Variants in DMD observed in about 807,000 individuals in gnomAD.
DMD encodes mutant dystrophin.
A neutral mutation model predicts 330.1 loss-of-function variants in DMD; 63 were observed. The observed-to-expected ratio is 0.19, with a 90% CI of 0.16 to 0.24. The LOEUF (loss-of-function observed/expected upper bound fraction) is 0.24, where lower values mean the gene tolerates loss of function less well. Ranked by LOEUF, DMD falls within the 10% of genes least tolerant of loss-of-function variation. The pLI, the probability that DMD is intolerant of heterozygous loss-of-function variation, is 1.00. For synonymous variants in DMD, 1,223 were observed against 959.8 expected (o/e 1.27, Z -5.07); for missense variants, 3,344 against 2,684.1 (o/e 1.25, Z -5.43).
In DMD at chrX:33,248,342, C is replaced by T. The variant is rs73623932; in HGVS notation, c.7+90917G>A. On this transcript the variant is annotated intron_variant, in intron 1 of 17. Coordinates refer to the DMD transcript ENST00000288447. Reference sequence around the variant, plus strand: ...AGGCGTGAGCCACTGCGCCTGGCCGCGAGAATAAATAATATTTTCTAAGAA... The same window carrying T: ...AGGCGTGAGCCACTGCGCCTGGCCGTGAGAATAAATAATATTTTCTAAGAA... 4.4e-3 allele frequency among the ~76,000 whole-genome samples: 491 copies of T among 111,784 alleles called. 1 individual carries two copies. The highest frequency in any genetic ancestry group is 0.015 in the African/African-American group (463 of 30,825).
chrX:32,789,462 G>A (rs1200841562), intron 7 of DMD, among the ~76,000 whole-genome samples: 2 of 111,932 alleles, frequency 1.8e-5, no homozygotes, highest in Non-Finnish European at 3.8e-5. Flanking sequence ...CTCACTTACT[G>A]AGCTTCTAAA....
chrX:31,777,627 G>A (rs1300525079), intron 50 of DMD, among the ~76,000 whole-genome samples: 1 of 111,167 alleles, frequency 9.0e-6, no homozygotes, highest in Non-Finnish European at 1.9e-5. Context: ...GAAAAGTAAT[G>A]TTCACTGACA....
chrX:32,853,571 A>G (rs1194161158), intron 2 of DMD, among the ~76,000 whole-genome samples: 2 of 110,604 alleles, frequency 1.8e-5, no homozygotes, highest in Non-Finnish European at 3.8e-5. Flanking sequence ...CTCAAATAAG[A>G]AGATATACTA....
intron 9 of DMD, among the ~76,000 whole-genome samples, chrX:32,678,767 T>A (rs1274585955): frequency 1.8e-5 from 2 of 111,924 alleles, no homozygotes; most frequent in African/African-American, 6.5e-5. Context: ...AGAGAAAATT[T>A]GACTGGTCAA....
intron 43 of DMD, among the ~76,000 whole-genome samples, chrX:32,237,475 G>C (rs1008839135): frequency 1.8e-5 from 2 of 110,333 alleles, no homozygotes; most frequent in African/African-American, 6.6e-5. Flanking sequence ...CATCTTTCTG[G>C]CACCACTTTG....
intron 72 of DMD, 65 bp downstream of exon 72, chrX:31,173,474 T>A: frequency 9.0e-7 from 1 of 1,111,604 alleles, no homozygotes; most frequent in South Asian, 1.8e-5. Flanking sequence ...TAAAATATCA[T>A]AGGTTAGCTT....
At chrX:32,478,310 C>T (rs181685984) in intron 21 of DMD, among the ~76,000 whole-genome samples, 7 of 111,824 alleles carry the variant, frequency 6.3e-5, no homozygotes, top group African/African-American at 2.3e-4. Context: ...ATACCTACTT[C>T]GGCAAAATGC....
chrX:32,971,172 G>A (rs1426921475), intron 2 of DMD, among the ~76,000 whole-genome samples: 1 of 111,490 alleles, frequency 9.0e-6, no homozygotes, highest in African/African-American at 3.3e-5. Context: ...ATGTTGGCCA[G>A]GCTGGTCTTG....
At chrX:32,718,101 C>G (rs887868532) in intron 7 of DMD, among the ~76,000 whole-genome samples, 2 of 110,980 alleles carry the variant, frequency 1.8e-5, no homozygotes, top group Non-Finnish European at 3.8e-5. Flanking sequence ...CTTTGGGGAA[C>G]TGTTGGGAAA....
At chrX:31,411,392 T>C (rs2061638273) in intron 60 of DMD, among the ~76,000 whole-genome samples, 1 of 111,673 alleles carries the variant, frequency 9.0e-6, no homozygotes, top group Non-Finnish European at 1.9e-5. Context: ...TAAATATTAT[T>C]ATTAACACCG....
intron 44 of DMD, among the ~76,000 whole-genome samples, chrX:32,203,285 T>C (rs1448434768): frequency 8.9e-6 from 1 of 112,757 alleles, no homozygotes; most frequent in East Asian, 2.8e-4. Context: ...ACTGGCTTTC[T>C]TGAGTGCTGG....
intron 50 of DMD, among the ~76,000 whole-genome samples, chrX:31,799,985 G>C (rs2091988108): frequency 8.9e-6 from 1 of 112,755 alleles, no homozygotes; most frequent in Non-Finnish European, 1.9e-5. Flanking sequence ...CATGGCCTTG[G>C]GCAGCTCTGC....
chrX:31,350,178 C>A (rs1315176270), intron 60 of DMD, among the ~76,000 whole-genome samples: 1 of 111,595 alleles, frequency 9.0e-6, no homozygotes, highest in Non-Finnish European at 1.9e-5. Context: ...CCCACCAAAA[C>A]TACCTGCCTG....
intron 1 of DMD, among the ~76,000 whole-genome samples, chrX:33,035,124 A>G (rs73188286): frequency 0.031 from 3,482 of 112,033 alleles, 63 homozygotes; most frequent in Middle Eastern, 0.06. Flanking sequence ...GCTCTTATGG[A>G]TATTAATGAT....
chrX:32,876,143 G>C (rs2083360641), intron 2 of DMD, among the ~76,000 whole-genome samples: 2 of 111,066 alleles, frequency 1.8e-5, no homozygotes, highest in Admixed American at 1.9e-4. Flanking sequence ...TCATAGTTTT[G>C]CTTATTTCTA....
intron 61 of DMD, among the ~76,000 whole-genome samples, chrX:31,334,987 C>T (rs140985881): frequency 0.011 from 1,266 of 111,900 alleles, 20 homozygotes; most frequent in African/African-American, 0.039. Context: ...CACATCTCTA[C>T]TGAAATGTCA....
chrX:32,140,337 A>AT (rs766492232), intron 44 of DMD, among the ~76,000 whole-genome samples: 1,348 of 112,004 alleles, frequency 0.012, 7 homozygotes, highest in Non-Finnish European at 0.018. Flanking sequence ...TGCATTGTTA[A>AT]TTTTTTACAA....
intron 1 of DMD, among the ~76,000 whole-genome samples, chrX:33,188,186 C>A (rs766661505): frequency 9.0e-6 from 1 of 110,658 alleles, no homozygotes; most frequent in African/African-American, 3.3e-5. Context: ...GGGTGTTAAG[C>A]TGGTGAAACA....
chrX:31,768,364 C>T (rs149730259), intron 51 of DMD, among the ~76,000 whole-genome samples: 2 of 110,411 alleles, frequency 1.8e-5, no homozygotes, highest in African/African-American at 6.6e-5. Flanking sequence ...CTCCTTTCCT[C>T]ACTCCTCTTT....
Sources: allele counts gnomAD v4.1 joint callset (sites outside exome capture counted in the v4.1 genomes callset), GRCh38; gene constraint gnomAD v4.1.1; transcripts MANE v1.5; gene names NCBI Gene and HGNC (gene_info 2026-07-23, HGNC 2026-07-21).